Variants in RNF115 observed in about 807,000 individuals in gnomAD.
The protein encoded by RNF115 is E3 ubiquitin-protein ligase RNF115.
A neutral mutation model predicts 39.2 loss-of-function variants in RNF115; 31 were observed. The observed-to-expected ratio is 0.79, with a 90% confidence interval of 0.59 to 1.07. The LOEUF (loss-of-function observed/expected upper bound fraction) is 1.07, where lower values mean the gene tolerates loss of function less well. Among genes scored for constraint, RNF115 ranks in the 50% least tolerant of loss-of-function variants. RNF115 has a pLI of 0.00. For missense variants in RNF115, 384 were observed against 381.7 expected (o/e 1.01, Z -0.05); for synonymous variants, 124 against 131.0 (o/e 0.95, Z 0.37).
chr1:145,823,607 G>C (rs1216410335), intron 1 of RNF115, among the ~76,000 whole-genome samples, 165 bp downstream of exon 1: 1 of 152,204 alleles, frequency 6.6e-6, no homozygotes, highest in East Asian at 1.9e-4. Context: ...GGCCGAGGCC[G>C]TGATGCCCAG....
At chr1:145,813,720 G>A (rs1217604990) in intron 1 of RNF115, among the ~76,000 whole-genome samples, 1 of 151,502 alleles carries the variant, frequency 6.6e-6, no homozygotes, top group African/African-American at 2.4e-5. Context: ...TTTTCTTACT[G>A]AAAATTCACT....
intron 5 of RNF115, among the ~76,000 whole-genome samples, chr1:145,752,340 G>T (rs1658116727): frequency 6.6e-6 from 1 of 151,928 alleles, no homozygotes; most frequent in Non-Finnish European, 1.5e-5. Flanking sequence ...GTAGTCTACT[G>T]GGGAAACCCA....
At chr1:145,811,930 T>TACAC (rs1281096665) in intron 1 of RNF115, among the ~76,000 whole-genome samples, 13 of 112,168 alleles carry the variant, frequency 1.2e-4, no homozygotes, top group African/African-American at 2.9e-4. Flanking sequence ...TATATATATA[T>TACAC]ATACACACAC....
intron 3 of RNF115, among the ~76,000 whole-genome samples, chr1:145,778,475 T>C (rs1260184429): frequency 6.6e-6 from 1 of 152,152 alleles, no homozygotes. Context: ...GTGAATTACG[T>C]AGTATATGAA....
chr1:145,794,098 C>T (rs1318886500), intron 1 of RNF115, among the ~76,000 whole-genome samples: 3 of 152,212 alleles, frequency 2.0e-5, no homozygotes, highest in Non-Finnish European at 4.4e-5. Context: ...CCTGCCTCAG[C>T]CTCCCAAAGT....
At chr1:145,776,501 T>C (rs975914812) in intron 3 of RNF115, among the ~76,000 whole-genome samples, 1 of 151,966 alleles carries the variant, frequency 6.6e-6, no homozygotes, top group Non-Finnish European at 1.5e-5. Flanking sequence ...AATTCTAATA[T>C]ATAAGCTGAA....
At chr1:145,800,859 C>T (rs587595785) in intron 1 of RNF115, among the ~76,000 whole-genome samples, 21 of 152,258 alleles carry the variant, frequency 1.4e-4, no homozygotes, top group African/African-American at 3.6e-4. Context: ...AAAATCAGAA[C>T]ATTGCCCAAG....
At chr1:145,816,741 C>A (rs1196855734) in intron 1 of RNF115, among the ~76,000 whole-genome samples, 1 of 148,470 alleles carries the variant, frequency 6.7e-6, no homozygotes, top group Non-Finnish European at 1.5e-5. Context: ...TTTTCTTTTT[C>A]TTTTCTTTTC....
rs1170848823 is a variant in RNF115, at chr1:145,744,752, C to A, written c.*2114G>T. The stretch of plus-strand genomic sequence containing the variant: ...TTCTGATCATTGTTGTGTGACAATA[C>A]AAATGGTGCCCCTCTGTACCTTTTT... On this transcript the variant is annotated 3_prime_UTR_variant, in exon 9 of 9. Transcript: ENST00000582693. 2 of 152,216 alleles carry A rather than the reference C, an allele frequency of 1.3e-5. No homozygotes were observed. The highest frequency in any genetic ancestry group is 2.4e-5 in the African/African-American group (1 of 41,436). The allele number at this position is 152,216 out of a possible 1,614,324, so 9.4% of individuals were successfully genotyped here.
chr1:145,747,060 AC>A lies in RNF115; in HGVS notation c.784-64del, dbSNP rs1331169327. On this transcript the variant is annotated intron_variant, in intron 8 of 8. Transcript: ENST00000582693. ...GCCTGAGAAGCTGGGAGTATTGTAC[AC>A]TTAAATAACCCTGAGAATTGTCACA... 3.2e-5 allele frequency: 47 copies of A among 1,491,622 alleles called. No homozygotes were observed. In the East Asian group the frequency reaches 1.1e-3, roughly 34 times the overall value. 92.4% of individuals were successfully genotyped at this position (1,491,622 alleles called of 1,614,324 possible). A position where few individuals can be genotyped will look rare whatever the true frequency, so the allele number is the denominator to read the frequency against.
intron 7 of RNF115, 109 bp from the exon 8 acceptor site, chr1:145,748,219 G>T: frequency 1.4e-6 from 1 of 732,432 alleles, no homozygotes; most frequent in Non-Finnish European, 2.4e-6. Flanking sequence ...AGACACAAGA[G>T]ACAAAAGAAA....
intron 1 of RNF115, among the ~76,000 whole-genome samples, chr1:145,816,490 C>G (rs1649997853): frequency 2.2e-5 from 2 of 90,524 alleles, no homozygotes; most frequent in African/African-American, 6.9e-5. Context: ...TGAATTCAGC[C>G]TACATGTGGC....
At chr1:145,782,430 T>C (rs587737199) in intron 3 of RNF115, among the ~76,000 whole-genome samples, 10 of 152,238 alleles carry the variant, frequency 6.6e-5, no homozygotes, top group African/African-American at 2.4e-4. Flanking sequence ...GAGTCCAGCC[T>C]GGGCAATAAG....
intron 4 of RNF115, among the ~76,000 whole-genome samples, chr1:145,757,967 T>C (rs1044298623): frequency 6.6e-6 from 1 of 152,184 alleles, no homozygotes; most frequent in Non-Finnish European, 1.5e-5. Context: ...GGAGACTTTT[T>C]TGATAGATTT....
chr1:145,769,423 A>T (rs929131141), intron 4 of RNF115, among the ~76,000 whole-genome samples: 2 of 152,180 alleles, frequency 1.3e-5, no homozygotes, highest in Admixed American at 6.6e-5. Context: ...TTATCCACTT[A>T]TTCAAAACAA....
rs918360297 is a variant in RNF115 at position 145,744,666 on chromosome 1, T to G, written c.*2200A>C. 2 of 152,232 alleles carry G rather than the reference T, an allele frequency of 1.3e-5. No homozygotes were observed. The highest frequency in any genetic ancestry group is 2.4e-5 in the African/African-American group (1 of 41,448). 9.4% of individuals were successfully genotyped at this position (152,232 alleles called of 1,614,324 possible). A position where few individuals can be genotyped will look rare whatever the true frequency, so the allele number is the denominator to read the frequency against. On this transcript the variant is annotated 3_prime_UTR_variant, in exon 9 of 9. Transcript: ENST00000582693. ...TCAACAAAAACTGAGGAAAGACTTC[T>G]AGCCAAGAAAAAGACCCATTAAAGA...
At chr1:145,753,123 A>AT (rs1307699426) in intron 4 of RNF115, 74 bp from the exon 5 acceptor site, 1 of 974,676 alleles carries the variant, frequency 1.0e-6, no homozygotes, top group Non-Finnish European at 1.6e-6. Flanking sequence ...TGGCTGCCTA[A>AT]TCACCAACTA....
At chr1:145,814,475 T>C (rs71267167) in intron 1 of RNF115, among the ~76,000 whole-genome samples, 20 of 151,392 alleles carry the variant, frequency 1.3e-4, no homozygotes, top group South Asian at 8.4e-4. Context: ...CCCAGCTACT[T>C]GGGAGGCTGA....
intron 1 of RNF115, among the ~76,000 whole-genome samples, chr1:145,820,564 C>T (rs1333927182): frequency 1.3e-5 from 2 of 151,764 alleles, no homozygotes; most frequent in South Asian, 2.1e-4. Flanking sequence ...GGTGAAACCC[C>T]GTCTCTACTA....
Sources: allele counts gnomAD v4.1 joint callset (sites outside exome capture counted in the v4.1 genomes callset), GRCh38; gene constraint gnomAD v4.1.1; transcripts MANE v1.5; gene names NCBI Gene and HGNC (gene_info 2026-07-23, HGNC 2026-07-21).